Variants in USP14 observed in about 807,000 individuals in gnomAD.
USP14 encodes the protein ubiquitin specific peptidase 14.
A neutral mutation model predicts 76.5 loss-of-function variants in USP14; 38 were observed. The observed-to-expected ratio is 0.50, with a 90% CI of 0.38 to 0.65. The LOEUF is 0.65. USP14 is among the 30% of genes least tolerant of loss of function. The pLI, the probability that USP14 is intolerant of heterozygous loss-of-function variation, is 0.00. For synonymous variants in USP14, 192 were observed against 191.7 expected (o/e 1.00, Z -0.01); for missense variants, 467 against 586.5 (o/e 0.80, Z 2.10).
intron 1 of USP14, 40 bp from the exon 2 acceptor site, chr18:163,268 T>C (rs1479790047): frequency 9.1e-6 from 14 of 1,541,812 alleles, no homozygotes; most frequent in African/African-American, 2.8e-5. Flanking sequence ...AATCTTGTCT[T>C]GTTATTTTTT....
At chr18:169,293 G>A (rs376419661) in intron 3 of USP14, among the ~76,000 whole-genome samples, 2 of 147,028 alleles carry the variant, frequency 1.4e-5, no homozygotes, top group Non-Finnish European at 3.0e-5. Flanking sequence ...TTTGGGAGGC[G>A]GAGGTTGCAG....
intron 3 of USP14, among the ~76,000 whole-genome samples, chr18:173,328 G>A (rs1226792574): frequency 2.0e-5 from 3 of 151,682 alleles, no homozygotes; most frequent in South Asian, 2.1e-4. Flanking sequence ...AGCCAGGATG[G>A]TCTCTATCTC....
intron 2 of USP14, among the ~76,000 whole-genome samples, chr18:165,768 T>C (rs1330625207): frequency 1.3e-5 from 2 of 152,194 alleles, no homozygotes; most frequent in Non-Finnish European, 2.9e-5. Context: ...TTTATAGTTA[T>C]CATTCATTAT....
At chr18:192,374 C>G (rs1192890115) in intron 5 of USP14, among the ~76,000 whole-genome samples, 1 of 151,756 alleles carries the variant, frequency 6.6e-6, no homozygotes, top group African/African-American at 2.4e-5. Context: ...GACCAGCCTG[C>G]CCAACATGGT....
Position 213,852 on chromosome 18 carries a change from G to GTGA in USP14, c.*2570_*2572dup, listed in dbSNP as rs1555603767. ...GTTGAATGTCACAAGAATCCCTGAA[G>GTGA]TGATTAAAAGTCTTGAGAGGTCAGG... On this transcript the variant is annotated 3_prime_UTR_variant, in exon 16 of 16. Transcript: ENST00000261601. 6.6e-6 allele frequency: 1 copy of GTGA among 152,204 alleles called. No individual in the cohort carries two copies. The highest frequency in any genetic ancestry group is 1.9e-4 in the East Asian group (1 of 5,186). 9.4% of individuals were successfully genotyped at this position (152,204 alleles called of 1,614,324 possible).
rs1469692232 is a variant in USP14 at position 196,491 on chromosome 18, T to TC, written c.464-144dup. On this transcript the variant is annotated intron_variant, in intron 6 of 15. Coordinates refer to ENST00000261601, the MANE Select transcript of USP14 (RefSeq NM_005151.4). ...GTGAGCCGAGATCGCGCCACTGCACTCCAGCCTGGGCAACGGACCAAGACT... is the reference window on the plus strand; with the variant it reads ...GTGAGCCGAGATCGCGCCACTGCACTCCCAGCCTGGGCAACGGACCAAGACT... 3.6e-6 allele frequency: 3 copies of TC among 825,924 alleles called. No individual in the cohort carries two copies. In the African/African-American group the frequency reaches 5.3e-5, roughly 15 times the overall value. 51.2% of individuals were successfully genotyped at this position (825,924 alleles called of 1,614,324 possible). A position where few individuals can be genotyped will look rare whatever the true frequency, so the allele number is the denominator to read the frequency against.
chr18:171,004 G>A (rs1469438373), intron 3 of USP14, among the ~76,000 whole-genome samples: 1 of 82,680 alleles, frequency 1.2e-5, no homozygotes, highest in African/African-American at 5.4e-5. Context: ...ATGTACCCTG[G>A]AACTTAAAAA....
chr18:174,201 A>C (rs1413281992), intron 3 of USP14, among the ~76,000 whole-genome samples: 2 of 152,006 alleles, frequency 1.3e-5, no homozygotes, highest in East Asian at 3.8e-4. Flanking sequence ...CCTTTATTTA[A>C]ATGTTCAATG....
intron 12 of USP14, among the ~76,000 whole-genome samples, chr18:203,944 GATCCAGCCTCA>G (rs749559029): frequency 1.3e-5 from 2 of 152,040 alleles, no homozygotes; most frequent in Non-Finnish European, 2.9e-5. Flanking sequence ...CTTGATTTAG[GATCCAGCCTCA>G]GAATCTGACT....
intron 6 of USP14, among the ~76,000 whole-genome samples, chr18:194,007 A>G (rs1910162579): frequency 6.6e-6 from 1 of 152,202 alleles, no homozygotes; most frequent in Non-Finnish European, 1.5e-5. Context: ...AGGAACTGCC[A>G]GAATTTTCCA....
intron 1 of USP14, 168 bp from the exon 2 acceptor site, chr18:163,140 T>A: frequency 3.7e-6 from 2 of 533,476 alleles, no homozygotes; most frequent in Admixed American, 7.5e-5. Context: ...GAAATTTTAT[T>A]CAGCACCTAC....
At chr18:159,865 C>T (rs1909067494) in intron 1 of USP14, among the ~76,000 whole-genome samples, 1 of 152,134 alleles carries the variant, frequency 6.6e-6, no homozygotes, top group African/African-American at 2.4e-5. Context: ...CCTCATCCCC[C>T]AAATGAAGGA....
chr18:190,568 C>T (rs1006497098), intron 5 of USP14, among the ~76,000 whole-genome samples: 2 of 152,082 alleles, frequency 1.3e-5, no homozygotes, highest in African/African-American at 4.8e-5. Context: ...AGGATTGTGG[C>T]CTACATAACT....
chr18:164,828 G>A (rs570387952), intron 2 of USP14, among the ~76,000 whole-genome samples: 1 of 152,284 alleles, frequency 6.6e-6, no homozygotes, highest in East Asian at 1.9e-4. Context: ...TTTAAAAAGA[G>A]AAGAAACCTA....
chr18:165,039 C>A (rs1909229694), intron 2 of USP14, among the ~76,000 whole-genome samples: 1 of 152,130 alleles, frequency 6.6e-6, no homozygotes, highest in Non-Finnish European at 1.5e-5. Flanking sequence ...ACCACCGCCT[C>A]CCGGGCTCAA....
chr18:214,235 G>C lies in USP14; in HGVS notation c.*2951G>C, dbSNP rs1046647822. ...TTGAAAGCACGAATAAGTGAGAACA[G>C]AGCAGTCATATGGTTTCAGAAAGTG... On this transcript the variant is annotated 3_prime_UTR_variant, in exon 16 of 16. Coordinates refer to ENST00000261601, the MANE Select transcript of USP14 (RefSeq NM_005151.4). 1.1e-5 allele frequency: 2 copies of C among 181,328 alleles called. No homozygotes were observed. Among genetic ancestry groups the C allele is most frequent in the Non-Finnish European group, 2.3e-5 (2 of 86,260 alleles). The allele number at this position is 181,328 out of a possible 1,614,324, so 11.2% of individuals were successfully genotyped here. A position where few individuals can be genotyped will look rare whatever the true frequency, so the allele number is the denominator to read the frequency against.
intron 4 of USP14, among the ~76,000 whole-genome samples, chr18:179,674 A>G (rs753151678): frequency 6.7e-6 from 1 of 150,058 alleles, no homozygotes; most frequent in East Asian, 1.9e-4. Context: ...TGTAACCTCA[A>G]CTTCCTGGGT....
At chr18:199,145 A>G in intron 9 of USP14, 57 bp from the exon 10 acceptor site, 1 of 1,052,842 alleles carries the variant, frequency 9.5e-7, no homozygotes. Context: ...TATTATATTC[A>G]AGAGTATATA....
At chr18:180,927 C>T (rs1785050) in intron 5 of USP14, among the ~76,000 whole-genome samples, 14 of 142,978 alleles carry the variant, frequency 9.8e-5, no homozygotes, top group South Asian at 2.3e-4. Context: ...GGTTCACTCA[C>T]GTTACAGCAC....
Sources: allele counts gnomAD v4.1 joint callset (sites outside exome capture counted in the v4.1 genomes callset), GRCh38; gene constraint gnomAD v4.1.1; transcripts MANE v1.5; gene names NCBI Gene and HGNC (gene_info 2026-07-23, HGNC 2026-07-21).